POGZ: variants seen among roughly 807,000 people sequenced by gnomAD.
POGZ encodes pogo transposable element derived with ZNF domain.
Under a neutral mutation model 134.6 loss-of-function variants are expected in POGZ, and 17 were observed. The observed-to-expected ratio is 0.13, with a 90% confidence interval of 0.09 to 0.19. The LOEUF (loss-of-function observed/expected upper bound fraction) is 0.19, where lower values mean the gene tolerates loss of function less well. Ranked by LOEUF, POGZ falls within the 10% of genes least tolerant of loss-of-function variation. POGZ has a pLI of 1.00. For synonymous variants in POGZ, 693 were observed against 657.1 expected, an observed-to-expected ratio of 1.05 and a Z score of -0.84; for missense variants, 1,306 against 1,769.7, an observed-to-expected ratio of 0.74 and a Z score of 4.70.
intron 3 of POGZ, among the ~76,000 whole-genome samples, chr1:151,431,578 GTA>G (rs1658704997): frequency 6.6e-6 from 1 of 152,062 alleles, no homozygotes; most frequent in Non-Finnish European, 1.5e-5. Context: ...GCTACCTACC[GTA>G]GCCCTCTCTT....
In POGZ at chr1:151,430,715, T is replaced by C. The variant is rs1479424067; in HGVS notation, c.410A>G (p.His137Arg). Residue 137 changes from histidine to arginine, a missense_variant, in exon 4 of 19, where the codon CAT becomes CGT. Coordinates refer to ENST00000271715, the MANE Select transcript of POGZ (RefSeq NM_015100.4). ...RPVQVMQNAN[H>R]VTSSPVASQP... ...TGAGGCCACAGGGGAACTAGTCACA[T>C]GATTGGCATTCTGCATGACCTGAAC... 2 of 1,610,218 alleles carry C rather than the reference T, an allele frequency of 1.2e-6. No homozygotes were observed. The highest frequency in any genetic ancestry group is 2.7e-5 in the African/African-American group (2 of 74,386).
intron 12 of POGZ, among the ~76,000 whole-genome samples, chr1:151,409,224 T>A (rs1654213795): frequency 6.6e-6 from 1 of 151,846 alleles, no homozygotes; most frequent in Non-Finnish European, 1.5e-5. Flanking sequence ...AAGTCATACT[T>A]TTTTTTCTAT....
Position 151,412,405 on chromosome 1 carries a change from A to G in POGZ, c.1679-9T>C, listed in dbSNP as rs1654830947. The G allele has an allele frequency of 1.3e-6, 2 of 1,492,882 alleles. No individual in the cohort carries two copies. The highest frequency in any genetic ancestry group is 4.5e-5 in the East Asian group (2 of 44,264). The allele number at this position is 1,492,882 out of a possible 1,614,324, so 92.5% of individuals were successfully genotyped here. A position where few individuals can be genotyped will look rare whatever the true frequency, so the allele number is the denominator to read the frequency against. ...ACAGATCTTGCACTTGGCTGTAAGA[A>G]GAAAAGTAATCAATAAATCCACTTG... On this transcript the variant is annotated splice_polypyrimidine_tract_variant and intron_variant, in intron 10 of 18. Transcript: ENST00000271715.
intron 10 of POGZ, 139 bp downstream of exon 10, chr1:151,423,258 G>C: frequency 1.4e-6 from 1 of 692,154 alleles, no homozygotes; most frequent in Non-Finnish European, 2.4e-6. Flanking sequence ...ATGAAGTAAA[G>C]AACTGGCTAC....
intron 1 of POGZ, among the ~76,000 whole-genome samples, chr1:151,446,253 G>GAAAAA (rs1199043083): frequency 1.8e-5 from 1 of 55,428 alleles, no homozygotes; most frequent in African/African-American, 5.5e-5. Context: ...TTTCTCATAA[G>GAAAAA]GAAAAAAAAA....
At position 151,430,783 on chromosome 1, in the gene POGZ, G is replaced by A. The variant is rs766438960; in HGVS notation, c.342C>T (p.Ala114=). 5 of 1,598,030 alleles carry A rather than the reference G, an allele frequency of 3.1e-6. No individual in the cohort carries two copies. The African/African-American group carries it at 4.1e-5, about 13-fold the overall frequency. Reference sequence around the variant, plus strand: ...GAGTAACCATTGTGCCCAGACCTGGGGCTGGATTCTGGGTCAGGATGAGTG... The same window carrying A: ...GAGTAACCATTGTGCCCAGACCTGGAGCTGGATTCTGGGTCAGGATGAGTG... ...GQPLILTQNP[A]PGLGTMVTQP... The change falls in exon 4 of 19, where the codon GCC becomes GCT. Residue 114 remains alanine, a synonymous_variant. Transcript: ENST00000271715.
At chr1:151,458,577 C>T (rs1173761502) in intron 1 of POGZ, among the ~76,000 whole-genome samples, 1 of 150,476 alleles carries the variant, frequency 6.6e-6, no homozygotes, top group African/African-American at 2.4e-5. Context: ...GGGAGGGCCG[C>T]GCACCCCCAC....
At position 151,439,343 on chromosome 1, in the gene POGZ, C is replaced by T. The variant is rs989795750; in HGVS notation, c.283+1585G>A. On this transcript the variant is annotated intron_variant, in intron 3 of 18. Transcript: ENST00000271715. ...TAAGTTTTTTAGAAGTCTAAAGATT[C>T]CCCATAAAATCATCATATTTTCAGT... Among the ~76,000 whole-genome samples, 5 of 152,254 alleles carry T rather than the reference C, an allele frequency of 3.3e-5. No homozygotes were observed. In the South Asian group the frequency reaches 1.0e-3, roughly 32 times the overall value.
chr1:151,430,672 A>G lies in POGZ; in HGVS notation c.453T>C (p.Thr151=), dbSNP rs745361017. The G allele has an allele frequency of 3.1e-6, 5 of 1,605,220 alleles. No individual in the cohort carries two copies. The highest frequency in any genetic ancestry group is 1.6e-4 in the Middle Eastern group (1 of 6,068). ...SPVASQPIFI[T]TQGFPVRNVR... is the part of the protein sequence containing the mutation. ...AATTCAGAGTCCTACTCACCTGCGT[A>G]GTGATAAATATTGGTTGTGAGGCCA... Residue 151 remains threonine, a synonymous_variant, in exon 4 of 19, where the codon ACT becomes ACC. Transcript: ENST00000271715.
chr1:151,456,986 G>T (rs1662849426), intron 1 of POGZ, among the ~76,000 whole-genome samples: 1 of 152,174 alleles, frequency 6.6e-6, no homozygotes, highest in Non-Finnish European at 1.5e-5. Flanking sequence ...GTTTTACCCA[G>T]CCTTGCTTTT....
At chr1:151,416,837 C>T (rs1247138593) in intron 10 of POGZ, among the ~76,000 whole-genome samples, 1 of 151,850 alleles carries the variant, frequency 6.6e-6, no homozygotes, top group Non-Finnish European at 1.5e-5. Context: ...TCACTATATT[C>T]GCCAGGCTGT....
At chr1:151,420,863 A>T (rs1241049984) in intron 10 of POGZ, among the ~76,000 whole-genome samples, 1 of 152,010 alleles carries the variant, frequency 6.6e-6, no homozygotes, top group Non-Finnish European at 1.5e-5. Flanking sequence ...GTTAAAATTA[A>T]TTTTGCCTGT....
intron 12 of POGZ, among the ~76,000 whole-genome samples, chr1:151,410,865 A>G (rs1443823701): frequency 6.6e-6 from 1 of 152,170 alleles, no homozygotes; most frequent in East Asian, 1.9e-4. Context: ...ATTCTTAACT[A>G]CTGCATTGCT....
intron 10 of POGZ, among the ~76,000 whole-genome samples, chr1:151,414,060 C>T (rs1408332903): frequency 6.6e-6 from 1 of 152,078 alleles, no homozygotes; most frequent in African/African-American, 2.4e-5. Flanking sequence ...ACATTAGGTG[C>T]TATGAGGACA....
In POGZ at chr1:151,412,230, T is replaced by C. The variant is rs1416128907; in HGVS notation, c.1779+66A>G. 2.2e-5 allele frequency: 18 copies of C among 811,580 alleles called. 1 individual carries two copies. The East Asian group carries it at 4.0e-4, about 18-fold the overall frequency. 50.3% of individuals were successfully genotyped at this position (811,580 alleles called of 1,614,324 possible). ...GCAGTAGGTGGTCAACAATATTCAT[T>C]AGTAAATTCTTTGTATTCTTCCTGA... On this transcript the variant is annotated intron_variant, in intron 11 of 18. Transcript: ENST00000271715.
chr1:151,431,843 G>T (rs748716579), intron 3 of POGZ, among the ~76,000 whole-genome samples: 1 of 152,064 alleles, frequency 6.6e-6, no homozygotes, highest in Non-Finnish European at 1.5e-5. Context: ...AAACCAGATA[G>T]AAAATTTCAG....
Position 151,403,123 on chromosome 1 carries a change from G to C in POGZ, c.*1679C>G. The C allele has an allele frequency of 1.5e-6, 1 of 683,888 alleles. No individual in the cohort carries two copies. Among genetic ancestry groups the C allele is most frequent in the African/African-American group, 2.0e-5 (1 of 51,180 alleles). 42.4% of individuals were successfully genotyped at this position (683,888 alleles called of 1,614,324 possible). A position where few individuals can be genotyped will look rare whatever the true frequency, so the allele number is the denominator to read the frequency against. On this transcript the variant is annotated 3_prime_UTR_variant, in exon 19 of 19. Coordinates refer to ENST00000271715, the MANE Select transcript of POGZ (RefSeq NM_015100.4). ...GATGGATCCTTGGTTGTTTTCAGAT[G>C]TCAAAGGTTCACAAAGCTGGCCAAG... is the stretch of plus-strand genomic sequence containing the variant.
chr1:151,448,817 A>G (rs1661623378), intron 1 of POGZ, among the ~76,000 whole-genome samples: 2 of 152,162 alleles, frequency 1.3e-5, no homozygotes, highest in African/African-American at 4.8e-5. Flanking sequence ...GTGAGCTGTG[A>G]TCGAGCCACT....
intron 10 of POGZ, 80 bp from the exon 11 acceptor site, chr1:151,412,476 G>A (rs1003773459): frequency 2.6e-6 from 2 of 767,370 alleles, no homozygotes; most frequent in African/African-American, 1.7e-5. Context: ...TATTTTCTCT[G>A]CCTCCTTTAT....
Sources: allele counts gnomAD v4.1 joint callset (sites outside exome capture counted in the v4.1 genomes callset), GRCh38; gene constraint gnomAD v4.1.1; transcripts MANE v1.5; gene names NCBI Gene and HGNC (gene_info 2026-07-23, HGNC 2026-07-21).